The following MILR1 variants were observed in gnomAD, a reference collection of about 807,000 sequenced individuals.
MILR1 encodes the protein mast cell immunoglobulin like receptor 1.
MILR1 carries 31 observed loss-of-function variants against 18.5 expected under a neutral mutation model. The observed-to-expected ratio is 1.68, with a 90% confidence interval of 1.26 to 2.26. The LOEUF is 2.26. Ranked by LOEUF, MILR1 falls within the 30% of genes most tolerant of loss-of-function variation. The pLI is 0.00. For synonymous variants in MILR1, 85 were observed against 56.2 expected (o/e 1.51, Z -2.30); for missense variants, 257 against 157.4 (o/e 1.63, Z -3.38).
chr17:64,477,883 C>T, the MILR1 span: 1 of 1,613,282 alleles, frequency 6.2e-7, no homozygotes, highest in Non-Finnish European at 8.5e-7. Context: ...TGGATATATG[C>T]ATCATTTCCT....
the MILR1 span, among the ~76,000 whole-genome samples, chr17:64,474,335 A>T: frequency 2.8e-3 from 420 of 152,168 alleles, 5 homozygotes; most frequent in African/African-American, 9.4e-3. Flanking sequence ...TCAGTCTCCC[A>T]AAGTGCTGGG....
the MILR1 span, chr17:64,491,026 C>T: frequency 8.0e-7 from 1 of 1,247,572 alleles, no homozygotes; most frequent in Non-Finnish European, 1.2e-6. Flanking sequence ...TAATTTAACT[C>T]CCATAATTAT....
the MILR1 span, among the ~76,000 whole-genome samples, chr17:64,474,707 C>T: frequency 2.6e-5 from 4 of 151,968 alleles, no homozygotes; most frequent in Non-Finnish European, 5.9e-5. Flanking sequence ...TACACACTCT[C>T]CTATATTTGC....
intron 4 of MILR1, among the ~76,000 whole-genome samples, chr17:64,457,957 A>G (rs2037337432): frequency 6.6e-6 from 1 of 152,194 alleles, no homozygotes; most frequent in African/African-American, 2.4e-5. Flanking sequence ...GCTTTCTGCC[A>G]TAAAGGAACC....
the MILR1 span, chr17:64,483,084 C>A: frequency 1.4e-6 from 1 of 705,752 alleles, no homozygotes; most frequent in East Asian, 2.6e-5. Flanking sequence ...TTAAATATAA[C>A]ACAAGTATTA....
chr17:64,497,343 C>A, the MILR1 span, among the ~76,000 whole-genome samples: 6 of 152,252 alleles, frequency 3.9e-5, no homozygotes, highest in Non-Finnish European at 8.8e-5. Context: ...TAAAATACTT[C>A]AGTATTATCC....
intron 3 of MILR1, among the ~76,000 whole-genome samples, chr17:64,456,176 C>T (rs926112187): frequency 1.6e-4 from 25 of 152,242 alleles, no homozygotes; most frequent in Non-Finnish European, 3.2e-4. Context: ...GTTGGTTCAT[C>T]TGTGGAATGG....
At chr17:64,485,627 A>C in the MILR1 span, 1 of 968,066 alleles carries the variant, frequency 1.0e-6, no homozygotes, top group Non-Finnish European at 1.7e-6. Flanking sequence ...CACTAAATTT[A>C]TTATTTAGAG....
At chr17:64,482,586 G>A in the MILR1 span, among the ~76,000 whole-genome samples, 4 of 152,128 alleles carry the variant, frequency 2.6e-5, no homozygotes, top group African/African-American at 9.7e-5. Flanking sequence ...CCAAAGTGCT[G>A]GGATTACAGG....
intron 5 of MILR1, among the ~76,000 whole-genome samples, chr17:64,463,560 T>C (rs1439553455): frequency 1.3e-5 from 2 of 152,162 alleles, no homozygotes; most frequent in Non-Finnish European, 1.5e-5. Flanking sequence ...AGAGAACCAA[T>C]TGAGAACCAT....
rs2037417333 is a variant in MILR1 at position 64,460,928 on chromosome 17, A to C, written c.759A>C (p.Lys253Asn). 1 of 474,660 alleles carries C rather than the reference A, an allele frequency of 2.1e-6. No homozygotes were observed. Among genetic ancestry groups the C allele is most frequent in the African/African-American group, 2.0e-5 (1 of 50,476 alleles). 29.4% of individuals were successfully genotyped at this position (474,660 alleles called of 1,614,324 possible). Reference sequence around the variant, plus strand: ...CTTTTTGGGTACTGCCCAAATACAAAACAAGTAAGTTCTTTTAGTCGCTTT... The same window carrying C: ...CTTTTTGGGTACTGCCCAAATACAACACAAGTAAGTTCTTTTAGTCGCTTT... ...ILAFWVLPKY[K>N]TRKAMRNNVP... The change falls in exon 5 of 10, where the codon AAA (lysine) becomes AAC (asparagine). Residue 253 changes from lysine (K) to asparagine (N), a missense_variant. Transcript: ENST00000619286.
intron 5 of MILR1, among the ~76,000 whole-genome samples, chr17:64,462,744 G>A (rs1020525951): frequency 1.3e-5 from 2 of 151,356 alleles, no homozygotes; most frequent in South Asian, 2.1e-4. Flanking sequence ...TGGTTCAAGC[G>A]ATTCTCCTGC....
At chr17:64,462,115 G>T (rs1024702541) in intron 5 of MILR1, among the ~76,000 whole-genome samples, 1 of 152,084 alleles carries the variant, frequency 6.6e-6, no homozygotes, top group Non-Finnish European at 1.5e-5. Context: ...CCTTTTCCTC[G>T]TATGACTGCT....
At chr17:64,476,544 A>G in the MILR1 span, among the ~76,000 whole-genome samples, 1 of 152,034 alleles carries the variant, frequency 6.6e-6, no homozygotes, top group Non-Finnish European at 1.5e-5. Context: ...AAATAAATAA[A>G]TTACTGATAT....
intron 3 of MILR1, among the ~76,000 whole-genome samples, chr17:64,457,026 T>C (rs1450855328): frequency 6.6e-6 from 1 of 151,842 alleles, no homozygotes; most frequent in African/African-American, 2.4e-5. Context: ...AAAATAAACA[T>C]AAAAAAGCAC....
At chr17:64,460,197 T>A (rs930618610) in intron 4 of MILR1, among the ~76,000 whole-genome samples, 3 of 151,898 alleles carry the variant, frequency 2.0e-5, no homozygotes, top group Admixed American at 6.6e-5. Context: ...AGCTAATTTT[T>A]ATATTTTGGG....
chr17:64,496,839 C>G, the MILR1 span: 12 of 1,613,790 alleles, frequency 7.4e-6, no homozygotes, highest in Non-Finnish European at 1.0e-5. Context: ...TGCGACTTCA[C>G]ATGCCCTCCT....
rs999887356 is a variant in MILR1, at chr17:64,456,899, G to A, written c.368-501G>A. ...TGAGAATAAAAGCACTTCTTGGGCC[G>A]GGTGTGGTGGCTCCTGCCTGTAACC... On this transcript the variant is annotated intron_variant, in intron 3 of 9. Coordinates refer to ENST00000619286, the MANE Select transcript of MILR1 (RefSeq NM_001085423.2). Among the ~76,000 whole-genome samples, 172 of 152,166 alleles carry A rather than the reference G, an allele frequency of 1.1e-3. 1 individual carries two copies. The highest frequency in any genetic ancestry group is 3.9e-3 in the African/African-American group (161 of 41,490).
At chr17:64,465,859 G>A (rs1261609789) in intron 6 of MILR1, among the ~76,000 whole-genome samples, 1 of 152,020 alleles carries the variant, frequency 6.6e-6, no homozygotes, top group Admixed American at 6.6e-5. Flanking sequence ...TCCACACTGT[G>A]TTTCACAGTC....
Sources: gnomAD v4.1 joint callset for allele counts (sites outside exome capture counted in the v4.1 genomes callset) on GRCh38, gnomAD v4.1.1 for gene constraint, MANE v1.5 for transcripts, NCBI Gene and HGNC (gene_info 2026-07-23, HGNC 2026-07-21) for gene names.